Variants in FLRT2 observed in about 807,000 individuals in gnomAD.
The protein encoded by FLRT2 is leucine-rich repeat transmembrane protein FLRT2.
In FLRT2, 15 loss-of-function variants were observed where a neutral mutation model predicts 40.0. The ratio of observed to expected loss-of-function variants is 0.38; its 90% CI spans 0.25 to 0.58. The LOEUF is 0.58. Ranked by LOEUF, FLRT2 falls within the 20% of genes least tolerant of loss-of-function variation. The pLI, the probability that FLRT2 is intolerant of heterozygous loss-of-function variation, is 0.71. For missense variants in FLRT2, 726 were observed against 840.0 expected (o/e 0.86, Z 1.68); for synonymous variants, 380 against 336.8 (o/e 1.13, Z -1.41).
At chr14:85,540,134 G>A (rs1317413585) in intron 1 of FLRT2, among the ~76,000 whole-genome samples, 1 of 152,120 alleles carries the variant, frequency 6.6e-6, no homozygotes, top group Non-Finnish European at 1.5e-5. Context: ...TGGATTTACA[G>A]TTTAACTATC....
intron 1 of FLRT2, among the ~76,000 whole-genome samples, chr14:85,558,258 C>T (rs763420521): frequency 8.6e-5 from 13 of 151,676 alleles, no homozygotes; most frequent in East Asian, 1.9e-4. Context: ...CTCATATGCC[C>T]GTAGAATTAT....
At position 85,622,837 on chromosome 14, in the gene FLRT2, G is replaced by T; in HGVS notation, c.1323G>T (p.Trp441Cys). 1 of 1,614,106 alleles carries T rather than the reference G, an allele frequency of 6.2e-7. No homozygotes were observed. The highest frequency in any genetic ancestry group is 8.5e-7 in the Non-Finnish European group (1 of 1,180,032). ...FVNDTSIQVS[W>C]LSLFTVMAYK... is the part of the protein sequence containing the mutation. ...ATGATACTTCCATTCAAGTCAGCTGGCTCTCTCTCTTCACCGTGATGGCAT... is the reference window on the plus strand; with the variant it reads ...ATGATACTTCCATTCAAGTCAGCTGTCTCTCTCTCTTCACCGTGATGGCAT... Residue 441 changes from tryptophan (W) to cysteine (C), a missense_variant, in exon 2 of 2, where the codon TGG becomes TGT. By Grantham distance (215) the Trp-to-Cys change is radical. Around this residue, in one of 3 missense-constraint regions of FLRT2, gnomAD observed 611 missense variants for 690.0 expected, o/e 0.89. Transcript: ENST00000330753.
intron 1 of FLRT2, among the ~76,000 whole-genome samples, chr14:85,585,098 C>G (rs144052494): frequency 1.3e-5 from 2 of 152,180 alleles, no homozygotes; most frequent in East Asian, 3.9e-4. Flanking sequence ...ACCTTGAGCT[C>G]CAGTTTCCCT....
chr14:85,609,131 A>G (rs1892752446), intron 1 of FLRT2, among the ~76,000 whole-genome samples: 2 of 152,072 alleles, frequency 1.3e-5, no homozygotes, highest in Admixed American at 1.3e-4. Flanking sequence ...CTCCTTCCCA[A>G]TCCGAACAAG....
In FLRT2 at chr14:85,644,683, G is replaced by C. The variant is rs1159780043; in HGVS notation, c.*21186G>C. On this transcript the variant is annotated 3_prime_UTR_variant, in exon 2 of 2. Coordinates refer to ENST00000330753, the MANE Select transcript of FLRT2 (RefSeq NM_013231.6). ...GGATGTTTGAAGGCAACATATACTA[G>C]TTTTAGATGCGCTGCTTCGATACTT... 3 of 152,178 alleles carry C rather than the reference G, an allele frequency of 2.0e-5. No homozygotes were observed. The highest frequency in any genetic ancestry group is 4.4e-5 in the Non-Finnish European group (3 of 68,036). 9.4% of individuals were successfully genotyped at this position (152,178 alleles called of 1,614,324 possible). A position where few individuals can be genotyped will look rare whatever the true frequency, so the allele number is the denominator to read the frequency against.
chr14:85,537,650 CAG>C (rs888781919), intron 1 of FLRT2, among the ~76,000 whole-genome samples: 17 of 151,732 alleles, frequency 1.1e-4, no homozygotes, highest in African/African-American at 4.1e-4. Flanking sequence ...CATTTTAAGA[CAG>C]AGATTCTTTT....
At chr14:85,537,600 A>G (rs546148427) in intron 1 of FLRT2, among the ~76,000 whole-genome samples, 1 of 141,826 alleles carries the variant, frequency 7.1e-6, no homozygotes, top group Non-Finnish European at 1.5e-5. Context: ...ATAGTAAAAC[A>G]CACACACACA....
intron 1 of FLRT2, among the ~76,000 whole-genome samples, chr14:85,616,205 T>C (rs1893124318): frequency 6.6e-6 from 1 of 152,112 alleles, no homozygotes; most frequent in Admixed American, 6.6e-5. Context: ...TAAATGAGAA[T>C]TTCTGTTTTT....
intron 1 of FLRT2, among the ~76,000 whole-genome samples, chr14:85,537,719 AT>A (rs1418723786): frequency 1.3e-5 from 2 of 152,130 alleles, no homozygotes; most frequent in Non-Finnish European, 2.9e-5. Flanking sequence ...TGTAATAAAA[AT>A]ATCCTGTGTT....
At chr14:85,546,450 T>C (rs1955412) in intron 1 of FLRT2, among the ~76,000 whole-genome samples, 35,496 of 151,952 alleles carry the variant, frequency 0.23, 4,315 homozygotes, top group Non-Finnish European at 0.25. Context: ...TGGGGCTGTT[T>C]AGGGAAGTAG....
chr14:85,634,686 A>G lies in FLRT2; in HGVS notation c.*11189A>G, dbSNP rs116585089. ...TATGCTTCAATTTTCTCATCTGTAC[A>G]TGGGTTAATAACAACACTCACCTCA... On this transcript the variant is annotated 3_prime_UTR_variant, in exon 2 of 2. Coordinates refer to ENST00000330753, the MANE Select transcript of FLRT2 (RefSeq NM_013231.6). 6.6e-6 allele frequency: 1 copy of G among 152,260 alleles called. No homozygotes were observed. The highest frequency in any genetic ancestry group is 2.4e-5 in the African/African-American group (1 of 41,554). The allele number at this position is 152,260 out of a possible 1,614,324, so 9.4% of individuals were successfully genotyped here. A position where few individuals can be genotyped will look rare whatever the true frequency, so the allele number is the denominator to read the frequency against.
At chr14:85,589,978 C>A (rs1005553423) in intron 1 of FLRT2, among the ~76,000 whole-genome samples, 2 of 151,868 alleles carry the variant, frequency 1.3e-5, no homozygotes, top group Non-Finnish European at 2.9e-5. Context: ...TATGCCAGTA[C>A]CACGCTGTTT....
intron 1 of FLRT2, among the ~76,000 whole-genome samples, chr14:85,574,112 G>T (rs1034669859): frequency 6.6e-6 from 1 of 152,098 alleles, no homozygotes; most frequent in Admixed American, 6.5e-5. Flanking sequence ...AGTGATAAGG[G>T]CATCTGGGCT....
At chr14:85,609,552 T>C (rs566845738) in intron 1 of FLRT2, among the ~76,000 whole-genome samples, 5 of 152,344 alleles carry the variant, frequency 3.3e-5, no homozygotes, top group African/African-American at 1.2e-4. Flanking sequence ...AGTCTTGACC[T>C]CTTGACCCTG....
intron 1 of FLRT2, among the ~76,000 whole-genome samples, chr14:85,583,931 C>A (rs894537633): frequency 4.0e-5 from 6 of 150,872 alleles, no homozygotes; most frequent in African/African-American, 1.5e-4. Context: ...TTGAAGCCAG[C>A]CTGGGCAATG....
At chr14:85,535,354 CAA>C (rs3084489) in intron 1 of FLRT2, among the ~76,000 whole-genome samples, 66,262 of 147,040 alleles carry the variant, frequency 0.45, 15,934 homozygotes, top group Middle Eastern at 0.63. Context: ...AGCCCCCCCC[CAA>C]AAAAAAAAAA....
rs1238541252 is a variant in FLRT2, at chr14:85,637,172, A to G, written c.*13675A>G. ...TGTAACTAATCAAGTGTAATTTATAAACTATAAAAAATTTTCATCTAGACA... is the reference window on the plus strand; with the variant it reads ...TGTAACTAATCAAGTGTAATTTATAGACTATAAAAAATTTTCATCTAGACA... On this transcript the variant is annotated 3_prime_UTR_variant, in exon 2 of 2. Transcript: ENST00000330753. 1.3e-5 allele frequency: 2 copies of G among 152,174 alleles called. No individual in the cohort carries two copies. Among genetic ancestry groups the G allele is most frequent in the Non-Finnish European group, 2.9e-5 (2 of 68,036 alleles). The allele number at this position is 152,174 out of a possible 1,614,324, so 9.4% of individuals were successfully genotyped here.
intron 1 of FLRT2, among the ~76,000 whole-genome samples, chr14:85,547,927 G>A (rs1349727186): frequency 6.6e-6 from 1 of 152,208 alleles, no homozygotes; most frequent in Non-Finnish European, 1.5e-5. Flanking sequence ...GAGGAAAATA[G>A]TTGCATTCTT....
rs1595107314 is a variant in FLRT2 at position 85,632,935 on chromosome 14, G to A, written c.*9438G>A. On this transcript the variant is annotated 3_prime_UTR_variant, in exon 2 of 2. Transcript: ENST00000330753. Reference sequence around the variant, plus strand: ...GGGACAATGATGTCTAACACATATGGTGGTTGTCAGAATTAAAGGCATATA... The same window carrying A: ...GGGACAATGATGTCTAACACATATGATGGTTGTCAGAATTAAAGGCATATA... The A allele has an allele frequency of 6.6e-5, 10 of 152,324 alleles. 1 individual carries two copies. In the South Asian group the frequency reaches 2.1e-3, roughly 32 times the overall value. 9.4% of individuals were successfully genotyped at this position (152,324 alleles called of 1,614,324 possible).
Sources: gnomAD v4.1 joint callset for allele counts (sites outside exome capture counted in the v4.1 genomes callset) on GRCh38, gnomAD v4.1.1 for gene constraint, gnomAD v4.1.1 regional missense constraint, MANE v1.5 for transcripts, NCBI Gene and HGNC (gene_info 2026-07-23, HGNC 2026-07-21) for gene names.